Variants in NSRP1 observed in about 807,000 individuals in gnomAD.
NSRP1 encodes nuclear speckle splicing regulatory protein 1, also known as coiled-coil domain containing 55.
NSRP1 carries 24 observed loss-of-function variants against 54.7 expected under a neutral mutation model. The ratio of observed to expected loss-of-function variants is 0.44; its 90% CI spans 0.32 to 0.62. The LOEUF is 0.62. Ranked by LOEUF, NSRP1 falls within the 20% of genes least tolerant of loss-of-function variation. The pLI is 0.06. For synonymous variants in NSRP1, 210 were observed against 213.8 expected (o/e 0.98, Z 0.15); for missense variants, 596 against 651.2 (o/e 0.92, Z 0.92).
intron 5 of NSRP1, 60 bp from the exon 6 acceptor site, chr17:30,180,843 TCTGTA>T: frequency 1.1e-6 from 1 of 947,448 alleles, no homozygotes; most frequent in Non-Finnish European, 1.7e-6. Context: ...ATACTGTATG[TCTGTA>T]AAATGAAACT....
chr17:30,172,679 T>G, intron 3 of NSRP1, 81 bp downstream of exon 3: 1 of 1,104,112 alleles, frequency 9.1e-7, no homozygotes, highest in Non-Finnish European at 1.3e-6. Context: ...ATCTAGGTGC[T>G]GAGACTAAAA....
At chr17:30,184,510 T>C in intron 6 of NSRP1, 105 bp from the exon 7 acceptor site, 2 of 1,368,140 alleles carry the variant, frequency 1.5e-6, no homozygotes, top group Non-Finnish European at 1.9e-6. Flanking sequence ...TCACTATAGG[T>C]GTATTGATTT....
chr17:30,156,006 A>T (rs939254729), intron 2 of NSRP1, among the ~76,000 whole-genome samples: 1 of 151,452 alleles, frequency 6.6e-6, no homozygotes, highest in African/African-American at 2.4e-5. Context: ...AACCCGGCTA[A>T]TTTTTATACT....
intron 2 of NSRP1, among the ~76,000 whole-genome samples, chr17:30,169,088 G>A (rs1159762055): frequency 1.3e-5 from 2 of 151,966 alleles, no homozygotes; most frequent in Non-Finnish European, 2.9e-5. Context: ...AAACAGCTAT[G>A]AACATAGAAA....
chr17:30,145,873 A>G (rs1217124959), intron 2 of NSRP1, among the ~76,000 whole-genome samples: 1 of 152,092 alleles, frequency 6.6e-6, no homozygotes, highest in Non-Finnish European at 1.5e-5. Flanking sequence ...TGTTTTAGAC[A>G]AGGACCCACA....
chr17:30,148,029 T>C (rs1422510146), intron 2 of NSRP1, among the ~76,000 whole-genome samples: 1 of 150,720 alleles, frequency 6.6e-6, no homozygotes, highest in Admixed American at 6.6e-5. Flanking sequence ...GCCAGGCTCA[T>C]CTTGCGAACT....
In NSRP1 at chr17:30,172,567, G is replaced by C; in HGVS notation, c.140G>C (p.Arg47Thr). 6.2e-7 allele frequency: 1 copy of C among 1,610,428 alleles called. No individual in the cohort carries two copies. Among genetic ancestry groups the C allele is most frequent in the Non-Finnish European group, 8.5e-7 (1 of 1,177,852 alleles). Residue 47 changes from arginine (R) to threonine (T), a missense_variant, in exon 3 of 7, where the codon AGG (arginine) becomes ACG (threonine). Coordinates refer to ENST00000247026, the MANE Select transcript of NSRP1 (RefSeq NM_032141.4). ...ACCTCTGTGAGTGAAAGCCTTCAGA[G>C]GGAAGCTGCTAAGAAGCAGGCCATG... Reference protein sequence around the residue: ...DETSVSESLQREAAKKQAMKQ... With the variant: ...DETSVSESLQTEAAKKQAMKQ...
chr17:30,116,855 G>C lies in NSRP1; in HGVS notation c.12G>C (p.Pro4=), dbSNP rs1048982966. The C allele has an allele frequency of 2.5e-6, 4 of 1,575,910 alleles. No individual in the cohort carries two copies. The highest frequency in any genetic ancestry group is 3.7e-5 in the Admixed American group (2 of 53,988). The change falls in exon 1 of 7, where the codon CCG becomes CCC. Residue 4 remains proline (P), a synonymous_variant. Transcript: ENST00000247026. Reference sequence around the variant, plus strand: ...GACACGGGAGCAAGATGGCGATTCCGGGCAGGCAGTGAGTGATCCGGGAGT... The same window carrying C: ...GACACGGGAGCAAGATGGCGATTCCCGGCAGGCAGTGAGTGATCCGGGAGT... The part of the protein sequence containing the change: MAI[P]GRQYGLILPK...
rs147077641 is a variant in NSRP1, at chr17:30,184,995, C to T, written c.998C>T (p.Thr333Ile). Residue 333 changes from threonine to isoleucine, a missense_variant, in exon 7 of 7, where the codon ACT becomes ATT. Transcript: ENST00000247026. ...TCCAGAGACCAAGAGAACCATTACACTGACCGTGATTACCGGAAAGAAAGG... is the reference window on the plus strand; with the variant it reads ...TCCAGAGACCAAGAGAACCATTACATTGACCGTGATTACCGGAAAGAAAGG... ...KQSRDQENHY[T>I]DRDYRKERDS... The T allele has an allele frequency of 1.1e-5, 18 of 1,613,948 alleles. No homozygotes were observed. The African/African-American group carries it at 1.2e-4, about 11-fold the overall frequency.
At chr17:30,150,689 T>G (rs938329954) in intron 2 of NSRP1, 7 of 126,914 alleles carry the variant, frequency 5.5e-5, no homozygotes, top group African/African-American at 1.8e-4. Context: ...TGTTGGTTTT[T>G]TTTTTTTTTT....
At chr17:30,118,984 G>A (rs1431870243) in intron 2 of NSRP1, among the ~76,000 whole-genome samples, 5 of 152,200 alleles carry the variant, frequency 3.3e-5, no homozygotes, top group Middle Eastern at 3.4e-3. Context: ...CTGACCTCAG[G>A]TGATCTGCCT....
intron 2 of NSRP1, among the ~76,000 whole-genome samples, chr17:30,120,316 C>T (rs1317120556): frequency 1.3e-5 from 2 of 152,092 alleles, no homozygotes; most frequent in Non-Finnish European, 2.9e-5. Flanking sequence ...GAATAATTGA[C>T]CATAAGAAAT....
intron 2 of NSRP1, among the ~76,000 whole-genome samples, chr17:30,165,355 T>TGTGG (rs1161136398): frequency 1.3e-5 from 2 of 152,152 alleles, no homozygotes; most frequent in Non-Finnish European, 2.9e-5. Context: ...GAATAAGCAG[T>TGTGG]GTGGGTGTAC....
intron 2 of NSRP1, among the ~76,000 whole-genome samples, chr17:30,147,185 A>G (rs1030911240): frequency 9.3e-5 from 14 of 150,342 alleles, no homozygotes; most frequent in Non-Finnish European, 2.1e-4. Context: ...ATGGAATGCA[A>G]TGGTGCGATC....
intron 2 of NSRP1, among the ~76,000 whole-genome samples, chr17:30,144,334 C>T (rs1343063807): frequency 1.3e-5 from 2 of 151,474 alleles, no homozygotes; most frequent in African/African-American, 4.9e-5. Context: ...AATCTTGGCC[C>T]TCTGCAACCT....
chr17:30,126,791 G>A (rs1242174198), intron 2 of NSRP1, among the ~76,000 whole-genome samples: 2 of 152,196 alleles, frequency 1.3e-5, no homozygotes, highest in Admixed American at 6.5e-5. Context: ...GTTTCGCCAT[G>A]TTGCCCAGGC....
In NSRP1 at chr17:30,160,253, T is replaced by G. The variant is rs114079250; in HGVS notation, c.115-12289T>G. 4.2e-3 allele frequency among the ~76,000 whole-genome samples: 644 copies of G among 152,256 alleles called. 4 individuals carry two copies. The highest frequency in any genetic ancestry group is 0.015 in the African/African-American group (622 of 41,554). ...CTGTGTTCAACTATGGCCTGTAGTT[T>G]TTTTGTTTTGTTTTGTTTTGTTTTT... On this transcript the variant is annotated intron_variant, in intron 2 of 6. Transcript: ENST00000247026.
intron 2 of NSRP1, among the ~76,000 whole-genome samples, chr17:30,138,633 T>C (rs569415359): frequency 4.6e-5 from 7 of 152,204 alleles, no homozygotes; most frequent in African/African-American, 1.7e-4. Context: ...GTTGGTTGGA[T>C]CCACATAGAT....
chr17:30,139,279 G>T (rs2071781590), intron 2 of NSRP1, among the ~76,000 whole-genome samples: 1 of 151,836 alleles, frequency 6.6e-6, no homozygotes, highest in Non-Finnish European at 1.5e-5. Context: ...TCTTTTTTCA[G>T]TCCGTTATCC....
Sources: allele counts gnomAD v4.1 joint callset (sites outside exome capture counted in the v4.1 genomes callset), GRCh38; gene constraint gnomAD v4.1.1; transcripts MANE v1.5; gene names NCBI Gene and HGNC (gene_info 2026-07-23, HGNC 2026-07-21).